LRP1B: variants seen among roughly 807,000 people sequenced by gnomAD.
The protein encoded by LRP1B is low-density lipoprotein receptor-related protein 1B.
LRP1B carries 217 observed loss-of-function variants against 556.6 expected under a neutral mutation model. The ratio of observed to expected loss-of-function variants is 0.39; its 90% CI spans 0.35 to 0.44. LRP1B has a LOEUF of 0.44. Among genes scored for constraint, LRP1B ranks in the 20% least tolerant of loss-of-function variants. The probability of loss-of-function intolerance (pLI) is 1.00; values close to 1 mark genes in which losing one functional copy is unlikely to be tolerated. For missense variants in LRP1B, 5,053 were observed against 5,620.8 expected (o/e 0.90, Z 3.23); for synonymous variants, 2,047 against 1,865.8 (o/e 1.10, Z -2.50).
chr2:141,721,956 T>G (rs1453510669), intron 2 of LRP1B, among the ~76,000 whole-genome samples: 1 of 152,174 alleles, frequency 6.6e-6, no homozygotes, highest in Non-Finnish European at 1.5e-5. Flanking sequence ...TAGAATCTGT[T>G]TCTGTGGTTT....
At chr2:140,787,629 A>G (rs1439828359) in intron 32 of LRP1B, among the ~76,000 whole-genome samples, 1 of 122,818 alleles carries the variant, frequency 8.1e-6, no homozygotes, top group Non-Finnish European at 1.6e-5. Flanking sequence ...AGAATGAAGT[A>G]GTCCAATCAG....
At chr2:141,296,091 C>T (rs1278684994) in intron 3 of LRP1B, among the ~76,000 whole-genome samples, 4 of 152,050 alleles carry the variant, frequency 2.6e-5, no homozygotes, top group African/African-American at 9.6e-5. Context: ...AAATTATGTA[C>T]AAAGGAGCAA....
At chr2:141,474,406 C>A (rs62166301) in intron 3 of LRP1B, among the ~76,000 whole-genome samples, 4 of 115,844 alleles carry the variant, frequency 3.5e-5, no homozygotes, top group Non-Finnish European at 6.0e-5. Context: ...AAATCACCCC[C>A]AGGATTTTTT....
chr2:141,793,346 T>A (rs1695685552), intron 2 of LRP1B, among the ~76,000 whole-genome samples: 1 of 151,958 alleles, frequency 6.6e-6, no homozygotes, highest in African/African-American at 2.4e-5. Flanking sequence ...TTTGCTGGAA[T>A]AAAGGGTAAC....
chr2:142,125,055 A>T (rs1314524237), intron 1 of LRP1B, among the ~76,000 whole-genome samples: 1 of 151,838 alleles, frequency 6.6e-6, no homozygotes, highest in Non-Finnish European at 1.5e-5. Flanking sequence ...AGATGGAGAG[A>T]GTGAGACTGA....
At chr2:140,642,569 C>A (rs532732016) in intron 41 of LRP1B, among the ~76,000 whole-genome samples, 1 of 152,088 alleles carries the variant, frequency 6.6e-6, no homozygotes, top group East Asian at 1.9e-4. Flanking sequence ...AGGCCGGGCA[C>A]GGTGGCTCAC....
rs549222346 is a variant in LRP1B at position 140,442,065 on chromosome 2, A to T, written c.10414+439T>A. ...TAATATGGAACAGATGCTTTTTATT[A>T]TCTTTTTTCACACTGTAATGTATTA... On this transcript the variant is annotated intron_variant, in intron 66 of 90. Transcript: ENST00000389484. Among the ~76,000 whole-genome samples the T allele has an allele frequency of 2.6e-5, 4 of 152,312 alleles. No homozygotes were observed. The East Asian group carries it at 5.8e-4, about 22-fold the overall frequency.
At chr2:141,007,231 A>C (rs1697601522) in intron 14 of LRP1B, among the ~76,000 whole-genome samples, 1 of 151,848 alleles carries the variant, frequency 6.6e-6, no homozygotes, top group African/African-American at 2.4e-5. Context: ...TGCTATACGG[A>C]GGATAATAAG....
At chr2:140,982,083 C>T in intron 18 of LRP1B, 77 bp downstream of exon 18, 3 of 1,122,972 alleles carry the variant, frequency 2.7e-6, no homozygotes, top group Non-Finnish European at 4.0e-6. Context: ...AATAAATAGC[C>T]CTTTAAGGAG....
At chr2:141,508,665 G>C (rs1684017265) in intron 2 of LRP1B, among the ~76,000 whole-genome samples, 1 of 149,362 alleles carries the variant, frequency 6.7e-6, no homozygotes, top group South Asian at 2.1e-4. Context: ...TTTTTTTAAA[G>C]AACAGTTAAA....
At chr2:141,467,940 G>C (rs1682309410) in intron 3 of LRP1B, among the ~76,000 whole-genome samples, 1 of 151,488 alleles carries the variant, frequency 6.6e-6, no homozygotes, top group Non-Finnish European at 1.5e-5. Flanking sequence ...CTCCCTCATG[G>C]TTCCCCGTAT....
At chr2:141,442,845 T>C (rs1466650736) in intron 3 of LRP1B, among the ~76,000 whole-genome samples, 1 of 152,172 alleles carries the variant, frequency 6.6e-6, no homozygotes, top group East Asian at 1.9e-4. Context: ...GGCATTTGGG[T>C]TTGTTCCAAG....
intron 2 of LRP1B, among the ~76,000 whole-genome samples, chr2:141,524,496 C>T (rs1684630244): frequency 6.6e-6 from 1 of 152,036 alleles, no homozygotes; most frequent in Non-Finnish European, 1.5e-5. Flanking sequence ...ACATGCGGCC[C>T]AGGACAGCTC....
intron 1 of LRP1B, among the ~76,000 whole-genome samples, chr2:142,034,298 ATATTT>A (rs1247471542): frequency 6.6e-6 from 1 of 151,804 alleles, no homozygotes; most frequent in Non-Finnish European, 1.5e-5. Flanking sequence ...TAAACTATTA[ATATTT>A]TAATATCTAA....
In LRP1B at chr2:140,776,148, T is replaced by C; in HGVS notation, c.5450A>G (p.Lys1817Arg). The C allele has an allele frequency of 1.9e-6, 3 of 1,584,206 alleles. No homozygotes were observed. The highest frequency in any genetic ancestry group is 2.6e-6 in the Non-Finnish European group (3 of 1,169,538). The stretch of plus-strand genomic sequence containing the variant: ...TTTCATATGAACTACCCCAGAAGTC[T>C]TATTCCGTAGGATGGTGGGGTTTCT... ...DGRNPTILRN[K>R]TSGVVHMKVY... The change falls in exon 33 of 91, where the codon AAG (lysine) becomes AGG (arginine). Residue 1817 changes from lysine to arginine, a missense_variant. Transcript: ENST00000389484.
At chr2:140,290,533 G>C (rs749549504) in intron 84 of LRP1B, among the ~76,000 whole-genome samples, 11 of 152,110 alleles carry the variant, frequency 7.2e-5, no homozygotes, top group Non-Finnish European at 1.3e-4. Context: ...CTGAGGAAGG[G>C]GTTGGTTCTT....
chr2:140,731,757 A>T, intron 35 of LRP1B, among the ~76,000 whole-genome samples: 1 of 110,824 alleles, frequency 9.0e-6, no homozygotes, highest in Non-Finnish European at 1.7e-5. Flanking sequence ...ACAGAGTGAG[A>T]CTCCGTCAAA....
rs145413861 is a variant in LRP1B, at chr2:141,954,008, C to T, written c.83-143607G>A. ...ATTTTCTCAAAACATCTGATCCTTT[C>T]CTTGCCCTATTCAAAAACTGCCAAT... On this transcript the variant is annotated intron_variant, in intron 1 of 90. Coordinates refer to ENST00000389484, the MANE Select transcript of LRP1B (RefSeq NM_018557.3). Among the ~76,000 whole-genome samples the T allele has an allele frequency of 1.2e-3, 176 of 152,202 alleles. 1 individual carries two copies. Among genetic ancestry groups the T allele is most frequent in the African/African-American group, 4.2e-3 (173 of 41,562 alleles).
intron 2 of LRP1B, among the ~76,000 whole-genome samples, chr2:141,662,366 A>G (rs1184045929): frequency 3.9e-5 from 6 of 152,214 alleles, no homozygotes; most frequent in South Asian, 2.1e-4. Context: ...AAATGCTCCA[A>G]TTAAAAGACA....
Sources: allele counts gnomAD v4.1 joint callset (sites outside exome capture counted in the v4.1 genomes callset), GRCh38; gene constraint gnomAD v4.1.1; transcripts MANE v1.5; gene names NCBI Gene and HGNC (gene_info 2026-07-23, HGNC 2026-07-21).